ENTREP2: variants seen among roughly 807,000 people sequenced by gnomAD.
The protein encoded by ENTREP2 is endosomal transmembrane epsin interactor 2, also known as protein ENTREP2.
At chr15:29,199,303 T>C in the ENTREP2 span, among the ~76,000 whole-genome samples, 1 of 152,198 alleles carries the variant, frequency 6.6e-6, no homozygotes, top group Non-Finnish European at 1.5e-5. Flanking sequence ...GAGGTACTTC[T>C]TCCTTGAAAT....
At chr15:29,655,083 T>A in the ENTREP2 span, among the ~76,000 whole-genome samples, 54 of 148,896 alleles carry the variant, frequency 3.6e-4, no homozygotes, top group African/African-American at 1.3e-3. Context: ...GATCCTGAAT[T>A]GAAAGGATTC....
At chr15:29,497,622 T>A in the ENTREP2 span, among the ~76,000 whole-genome samples, 1 of 152,192 alleles carries the variant, frequency 6.6e-6, no homozygotes, top group African/African-American at 2.4e-5. Context: ...AATCCTGTGG[T>A]ATCAATTGTA....
At chr15:29,499,352 A>G in the ENTREP2 span, among the ~76,000 whole-genome samples, 1 of 152,092 alleles carries the variant, frequency 6.6e-6, no homozygotes, top group African/African-American at 2.4e-5. Context: ...TACATAAAGC[A>G]TATTATAGTT....
chr15:29,431,062 G>T, the ENTREP2 span, among the ~76,000 whole-genome samples: 1,842 of 152,182 alleles, frequency 0.012, 34 homozygotes, highest in African/African-American at 0.042. Context: ...GGCACACTGC[G>T]GGCCCAAACT....
chr15:29,181,800 C>T, the ENTREP2 span, among the ~76,000 whole-genome samples: 3 of 152,156 alleles, frequency 2.0e-5, no homozygotes, highest in South Asian at 6.2e-4. Flanking sequence ...AAACTCTTAG[C>T]AGACTGGTAA....
At chr15:29,337,442 T>G in the ENTREP2 span, among the ~76,000 whole-genome samples, 2 of 152,128 alleles carry the variant, frequency 1.3e-5, no homozygotes, top group African/African-American at 4.8e-5. Context: ...GATTGACTGG[T>G]GACAGTGAGA....
At chr15:29,311,511 G>A in the ENTREP2 span, among the ~76,000 whole-genome samples, 8 of 152,282 alleles carry the variant, frequency 5.3e-5, no homozygotes, top group South Asian at 1.5e-3. Context: ...CCAACATGGC[G>A]AAACCCTGTC....
At chr15:29,375,005 T>TA in the ENTREP2 span, 2 of 152,212 alleles carry the variant, frequency 1.3e-5, no homozygotes, top group South Asian at 4.1e-4. Flanking sequence ...GATTAGATGA[T>TA]AGACATTAGG....
chr15:29,194,293 G>A, the ENTREP2 span, among the ~76,000 whole-genome samples: 1 of 152,200 alleles, frequency 6.6e-6, no homozygotes, highest in East Asian at 1.9e-4. Flanking sequence ...TCAGGTGGGG[G>A]ACAGGGGCAG....
the ENTREP2 span, among the ~76,000 whole-genome samples, chr15:29,335,152 T>C: frequency 2.6e-5 from 4 of 152,290 alleles, no homozygotes; most frequent in South Asian, 4.1e-4. Flanking sequence ...TCATGAAAAG[T>C]GGTTGCTTAG....
the ENTREP2 span, among the ~76,000 whole-genome samples, chr15:29,289,164 G>A: frequency 1.9e-4 from 29 of 149,628 alleles, no homozygotes; most frequent in African/African-American, 6.4e-4. Flanking sequence ...CCAAGATCAC[G>A]CCACTGCACT....
chr15:29,328,428 A>C, the ENTREP2 span, among the ~76,000 whole-genome samples: 2 of 152,232 alleles, frequency 1.3e-5, no homozygotes, highest in Non-Finnish European at 2.9e-5. Context: ...TAACTTTTAA[A>C]AAGTATTTAA....
the ENTREP2 span, among the ~76,000 whole-genome samples, chr15:29,215,379 A>C: frequency 3.9e-5 from 6 of 152,024 alleles, no homozygotes; most frequent in African/African-American, 1.4e-4. Context: ...AGCAGGCAGA[A>C]AAATGTGAAA....
At chr15:29,640,678 A>AAAACAAAAC in the ENTREP2 span, among the ~76,000 whole-genome samples, 1 of 122,928 alleles carries the variant, frequency 8.1e-6, no homozygotes, top group South Asian at 2.3e-4. Flanking sequence ...CAAAACAAAA[A>AAAACAAAAC]AACCAAAAAG....
At chr15:29,190,648 A>T in the ENTREP2 span, among the ~76,000 whole-genome samples, 2 of 152,220 alleles carry the variant, frequency 1.3e-5, no homozygotes, top group South Asian at 2.1e-4. Flanking sequence ...AATCTCATTA[A>T]GTCAGTATCA....
the ENTREP2 span, among the ~76,000 whole-genome samples, chr15:29,512,729 C>T: frequency 6.6e-6 from 1 of 152,200 alleles, no homozygotes; most frequent in Non-Finnish European, 1.5e-5. Flanking sequence ...ACTTCTCAGC[C>T]TCCAGAACTG....
chr15:29,341,628 A>T, the ENTREP2 span, among the ~76,000 whole-genome samples: 1 of 152,164 alleles, frequency 6.6e-6, no homozygotes, highest in African/African-American at 2.4e-5. Context: ...AGTCAGAGTC[A>T]AAAGGGGGAG....
the ENTREP2 span, among the ~76,000 whole-genome samples, chr15:29,471,012 C>T: frequency 6.6e-6 from 1 of 152,152 alleles, no homozygotes; most frequent in Non-Finnish European, 1.5e-5. Flanking sequence ...AGAGGTGGGG[C>T]ATTGGAATCA....
chr15:29,321,593 G>A, the ENTREP2 span, among the ~76,000 whole-genome samples: 1 of 150,026 alleles, frequency 6.7e-6, no homozygotes, highest in Non-Finnish European at 1.5e-5. Flanking sequence ...AGGTTGCAGT[G>A]AGCTGAGATG....
Sources: gnomAD v4.1 joint callset for allele counts (sites outside exome capture counted in the v4.1 genomes callset) on GRCh38, gnomAD v4.1.1 for gene constraint, MANE v1.5 for transcripts, NCBI Gene and HGNC (gene_info 2026-07-23, HGNC 2026-07-21) for gene names.